The following GAN variants were observed in gnomAD, a reference collection of about 807,000 sequenced individuals.
The protein encoded by GAN is gigaxonin, also known as epididymis secretory sperm binding protein.
GAN carries 48 observed loss-of-function variants against 71.3 expected under a neutral mutation model. The observed-to-expected ratio is 0.67, with a 90% CI of 0.53 to 0.86. GAN has a LOEUF of 0.86. GAN is among the 40% of genes least tolerant of loss of function. GAN has a pLI of 0.00. For missense variants in GAN, 928 were observed against 770.1 expected (o/e 1.21, Z -2.43); for synonymous variants, 386 against 276.8 (o/e 1.39, Z -3.92).
intron 9 of GAN, among the ~76,000 whole-genome samples, chr16:81,374,582 ATTTAT>A (rs1396780773): frequency 6.6e-6 from 1 of 152,116 alleles, no homozygotes; most frequent in Non-Finnish European, 1.5e-5. Flanking sequence ...ATTCATGGAT[ATTTAT>A]TTTATTTCCT....
At chr16:81,356,013 A>C (rs1431459179) in intron 3 of GAN, among the ~76,000 whole-genome samples, 2 of 152,220 alleles carry the variant, frequency 1.3e-5, no homozygotes, top group East Asian at 1.9e-4. Context: ...CACCAAGACC[A>C]CAGTGGGACA....
chr16:81,316,413 C>G (rs1260911407), intron 1 of GAN, among the ~76,000 whole-genome samples: 1 of 139,270 alleles, frequency 7.2e-6, no homozygotes, highest in East Asian at 2.2e-4. Flanking sequence ...ATTCAAGTGC[C>G]CTTGTAACTT....
chr16:81,367,870 G>C lies in GAN; in HGVS notation c.1502+2392G>C, dbSNP rs147589363. ...CAGAGTCCACCTTTTCAACTACCAC[G>C]CTAGATTGACTTAAAAATATAGGCT... On this transcript the variant is annotated intron_variant, in intron 9 of 10. Transcript: ENST00000648994. Among the ~76,000 whole-genome samples, 321 of 152,246 alleles carry C rather than the reference G, an allele frequency of 2.1e-3. 1 individual carries two copies. Among genetic ancestry groups the C allele is most frequent in the African/African-American group, 7.3e-3 (303 of 41,538 alleles).
At chr16:81,346,835 C>T (rs1910134518) in intron 1 of GAN, among the ~76,000 whole-genome samples, 2 of 152,176 alleles carry the variant, frequency 1.3e-5, no homozygotes, top group Admixed American at 6.5e-5. Flanking sequence ...GTCTCTTCAC[C>T]AGAACCAGCA....
rs1254932139 is a variant in GAN, at chr16:81,365,027, C to T, written c.1290C>T (p.Ser430=). The T allele has an allele frequency of 5.6e-6, 9 of 1,613,570 alleles. No homozygotes were observed. The highest frequency in any genetic ancestry group is 1.3e-5 in the African/African-American group (1 of 74,882). Residue 430 remains serine (S), a synonymous_variant, in exon 8 of 11, where the codon TCC becomes TCT. Transcript: ENST00000648994. The stretch of plus-strand genomic sequence containing the variant: ...AAATCTACGCCATGGGTGGAGGCTC[C>T]TACGGAAAGCTTTTTGAGTCTGTAG... ...KKKIYAMGGG[S]YGKLFESVEC... is the part of the protein sequence containing the mutation.
chr16:81,316,806 C>T (rs1473864039), intron 1 of GAN, among the ~76,000 whole-genome samples: 2 of 152,194 alleles, frequency 1.3e-5, no homozygotes, highest in Admixed American at 6.5e-5. Flanking sequence ...ATATTTTACA[C>T]ATTTACTTTG....
At chr16:81,347,268 C>T (rs1437542028) in intron 1 of GAN, among the ~76,000 whole-genome samples, 7 of 152,054 alleles carry the variant, frequency 4.6e-5, no homozygotes, top group Non-Finnish European at 7.4e-5. Flanking sequence ...GGAAACTGTA[C>T]GGGCAGGAAT....
intron 1 of GAN, among the ~76,000 whole-genome samples, chr16:81,350,518 ATTTT>A (rs11430822): frequency 6.9e-6 from 1 of 145,136 alleles, no homozygotes. Flanking sequence ...TACTTACTTA[ATTTT>A]TTTTTTTTTT....
At chr16:81,368,565 G>A (rs548034303) in intron 9 of GAN, among the ~76,000 whole-genome samples, 14 of 152,276 alleles carry the variant, frequency 9.2e-5, no homozygotes, top group African/African-American at 2.2e-4. Context: ...GACCATGATC[G>A]TGCCACTACA....
chr16:81,340,391 C>G (rs1242041854), intron 1 of GAN, among the ~76,000 whole-genome samples: 2 of 152,190 alleles, frequency 1.3e-5, no homozygotes, highest in African/African-American at 2.4e-5. Flanking sequence ...CCAACACACA[C>G]CTCACACAGG....
chr16:81,322,154 A>C (rs1909243278), intron 1 of GAN, among the ~76,000 whole-genome samples: 1 of 152,234 alleles, frequency 6.6e-6, no homozygotes, highest in South Asian at 2.1e-4. Flanking sequence ...AATTTCTCAT[A>C]AAGATTATTA....
At chr16:81,367,138 T>C (rs8057691) in intron 9 of GAN, among the ~76,000 whole-genome samples, 13,965 of 152,196 alleles carry the variant, frequency 0.092, 994 homozygotes, top group African/African-American at 0.2. Context: ...GGTTGTTACA[T>C]ATTTGTACTG....
chr16:81,353,930 T>TC (rs1910394991), intron 2 of GAN, among the ~76,000 whole-genome samples: 1 of 152,182 alleles, frequency 6.6e-6, no homozygotes, highest in Non-Finnish European at 1.5e-5. Context: ...TGGAAACCCC[T>TC]CTCCCTTCAA....
chr16:81,319,315 G>A (rs1402846674), intron 1 of GAN, among the ~76,000 whole-genome samples: 1 of 151,500 alleles, frequency 6.6e-6, no homozygotes, highest in Non-Finnish European at 1.5e-5. Flanking sequence ...GAGACCTTCT[G>A]GGGAAAGCTC....
Position 81,378,864 on chromosome 16 carries a change from C to T in GAN, c.*1268C>T, listed in dbSNP as rs182391687. Reference sequence around the variant, plus strand: ...TTCTCATTGGGGGAAAAATGTCTTTCGTTCGTGGAACGTATCTTGTAAGAT... The same window carrying T: ...TTCTCATTGGGGGAAAAATGTCTTTTGTTCGTGGAACGTATCTTGTAAGAT... On this transcript the variant is annotated 3_prime_UTR_variant, in exon 11 of 11. Coordinates refer to ENST00000648994, the MANE Select transcript of GAN (RefSeq NM_022041.4). 978 of 152,714 alleles carry T rather than the reference C, an allele frequency of 6.4e-3. 6 individuals carry two copies. Among genetic ancestry groups the T allele is most frequent in the Non-Finnish European group, 0.011 (727 of 68,028 alleles). 9.5% of individuals were successfully genotyped at this position (152,714 alleles called of 1,614,324 possible). A position where few individuals can be genotyped will look rare whatever the true frequency, so the allele number is the denominator to read the frequency against.
intron 1 of GAN, among the ~76,000 whole-genome samples, chr16:81,346,585 C>T (rs1408319471): frequency 1.8e-4 from 27 of 152,214 alleles, no homozygotes; most frequent in Non-Finnish European, 4.4e-5. Flanking sequence ...GCCTGATGAT[C>T]TGAGGTGGAA....
At chr16:81,326,627 A>G (rs538539154) in intron 1 of GAN, among the ~76,000 whole-genome samples, 1 of 152,226 alleles carries the variant, frequency 6.6e-6, no homozygotes, top group Non-Finnish European at 1.5e-5. Flanking sequence ...ATCATTGGGC[A>G]TTTTGTCATT....
At chr16:81,362,662 C>A (rs78861333) in intron 6 of GAN, 51 bp downstream of exon 6, 3 of 980,264 alleles carry the variant, frequency 3.1e-6, no homozygotes, top group African/African-American at 3.2e-5. Flanking sequence ...TTCCCCTTAG[C>A]GCTTCTGTTT....
intron 1 of GAN, among the ~76,000 whole-genome samples, chr16:81,333,130 T>C (rs1909642741): frequency 6.6e-6 from 1 of 151,362 alleles, no homozygotes; most frequent in South Asian, 2.1e-4. Flanking sequence ...TAGTCTCAGC[T>C]ACTTGGGAGG....
Sources: gnomAD v4.1 joint callset for allele counts (sites outside exome capture counted in the v4.1 genomes callset) on GRCh38, gnomAD v4.1.1 for gene constraint, MANE v1.5 for transcripts, NCBI Gene and HGNC (gene_info 2026-07-23, HGNC 2026-07-21) for gene names.